PLPP1: variants seen among roughly 807,000 people sequenced by gnomAD.
PLPP1 encodes the protein lipid phosphate phosphohydrolase 1a.
A neutral mutation model predicts 31.2 loss-of-function variants in PLPP1; 24 were observed. The observed-to-expected ratio is 0.77, with a 90% confidence interval of 0.56 to 1.08. The LOEUF (loss-of-function observed/expected upper bound fraction) is 1.08, where lower values mean the gene tolerates loss of function less well. Among genes scored for constraint, PLPP1 ranks in the 50% least tolerant of loss-of-function variants. The probability of loss-of-function intolerance (pLI) is 0.00; values close to 1 mark genes in which losing one functional copy is unlikely to be tolerated. For missense variants in PLPP1, 319 were observed against 342.7 expected, an observed-to-expected ratio of 0.93 and a Z score of 0.55; for synonymous variants, 146 against 126.3, an observed-to-expected ratio of 1.16 and a Z score of -1.05.
At chr5:55,427,775 T>TG (rs35821302) in intron 4 of PLPP1, among the ~76,000 whole-genome samples, 9,776 of 99,548 alleles carry the variant, frequency 0.098, 351 homozygotes, top group Middle Eastern at 0.16. Flanking sequence ...AACACTTTTT[T>TG]GGGGGGGGGG....
chr5:55,512,806 G>GA (rs1561253400), intron 1 of PLPP1, among the ~76,000 whole-genome samples: 1 of 151,982 alleles, frequency 6.6e-6, no homozygotes, highest in Non-Finnish European at 1.5e-5. Flanking sequence ...TTTTAACTTG[G>GA]AAAATCTATA....
intron 4 of PLPP1, among the ~76,000 whole-genome samples, chr5:55,427,450 A>G (rs952362297): frequency 6.6e-6 from 1 of 152,220 alleles, no homozygotes; most frequent in African/African-American, 2.4e-5. Context: ...TTTCTGCAGA[A>G]TCCTTATTTT....
chr5:55,449,874 A>G (rs1204372013), intron 3 of PLPP1, among the ~76,000 whole-genome samples: 1 of 152,154 alleles, frequency 6.6e-6, no homozygotes, highest in Admixed American at 6.6e-5. Flanking sequence ...ACTATAAGAA[A>G]CACAGGGTAC....
intron 1 of PLPP1, chr5:55,490,972 C>T: frequency 6.2e-7 from 1 of 1,610,132 alleles, no homozygotes; most frequent in Non-Finnish European, 8.5e-7. Context: ...AGGAAATGGG[C>T]AAGCCAACCC....
intron 3 of PLPP1, among the ~76,000 whole-genome samples, chr5:55,443,229 AC>A (rs1751676872): frequency 1.4e-5 from 2 of 141,072 alleles, no homozygotes; most frequent in South Asian, 4.6e-4. Context: ...ACACACACAC[AC>A]ACACATATAT....
chr5:55,471,722 A>C (rs191088612), intron 2 of PLPP1, among the ~76,000 whole-genome samples: 11 of 152,336 alleles, frequency 7.2e-5, no homozygotes, highest in African/African-American at 2.4e-4. Context: ...GATTTTTTTA[A>C]ATAAATGATT....
In PLPP1 at chr5:55,441,846, C is replaced by CT; in HGVS notation, c.549+4dup. On this transcript the variant is annotated splice_donor_region_variant and intron_variant, in intron 4 of 5. Coordinates refer to ENST00000307259, the MANE Select transcript of PLPP1 (RefSeq NM_003711.4). ...CCTAACCGTCAACAGACACAAAGTA[C>CT]TTACTGCCACAAACAGCATGCAGTA... is the stretch of plus-strand genomic sequence containing the variant. 1 of 1,612,396 alleles carries CT rather than the reference C, an allele frequency of 6.2e-7. No individual in the cohort carries two copies. Among genetic ancestry groups the CT allele is most frequent in the Non-Finnish European group, 8.5e-7 (1 of 1,178,424 alleles).
chr5:55,453,164 G>A (rs1027640020), intron 3 of PLPP1, among the ~76,000 whole-genome samples: 2 of 151,984 alleles, frequency 1.3e-5, no homozygotes, highest in Admixed American at 6.6e-5. Flanking sequence ...CACATGCATC[G>A]AGTATCAGTT....
intron 1 of PLPP1, among the ~76,000 whole-genome samples, chr5:55,475,652 G>T (rs1561237911): frequency 6.6e-6 from 1 of 152,170 alleles, no homozygotes; most frequent in Non-Finnish European, 1.5e-5. Flanking sequence ...TTTGTCTACA[G>T]CAAACAAAGT....
intron 2 of PLPP1, among the ~76,000 whole-genome samples, chr5:55,471,910 G>A (rs1389136741): frequency 6.6e-6 from 1 of 151,834 alleles, no homozygotes; most frequent in Non-Finnish European, 1.5e-5. Flanking sequence ...CTTGAGCCCA[G>A]GAGTTTGAGA....
chr5:55,476,085 C>T (rs1324634037), intron 1 of PLPP1, among the ~76,000 whole-genome samples: 1 of 150,916 alleles, frequency 6.6e-6, no homozygotes, highest in African/African-American at 2.4e-5. Flanking sequence ...CTCAAGCTAT[C>T]CTCCCGCTTC....
intron 1 of PLPP1, among the ~76,000 whole-genome samples, chr5:55,534,233 C>T (rs1740791480): frequency 6.6e-6 from 1 of 152,198 alleles, no homozygotes; most frequent in African/African-American, 2.4e-5. Flanking sequence ...GGGCCAGTGA[C>T]CAGGCTCCTC....
intron 1 of PLPP1, among the ~76,000 whole-genome samples, chr5:55,500,269 C>T (rs931693435): frequency 5.9e-5 from 9 of 151,728 alleles, no homozygotes; most frequent in Admixed American, 4.6e-4. Context: ...TTAGTAGAGA[C>T]GGGGTTTCAC....
At chr5:55,449,868 T>A (rs1017483027) in intron 3 of PLPP1, among the ~76,000 whole-genome samples, 15 of 151,992 alleles carry the variant, frequency 9.9e-5, no homozygotes, top group Admixed American at 6.6e-5. Context: ...TCTAGAACTA[T>A]AAGAAACACA....
intron 1 of PLPP1, chr5:55,530,595 A>C: frequency 7.3e-7 from 1 of 1,368,618 alleles, no homozygotes; most frequent in Non-Finnish European, 1.0e-6. Flanking sequence ...TTTGCAATGA[A>C]GTCTCATGCG....
Position 55,430,661 on chromosome 5 carries a change from T to C in PLPP1, c.550-4622A>G, listed in dbSNP as rs182696576. Among the ~76,000 whole-genome samples the C allele has an allele frequency of 5.0e-3, 756 of 152,138 alleles. 4 individuals are homozygous for C. Among genetic ancestry groups the C allele is most frequent in the Non-Finnish European group, 6.0e-3 (408 of 68,014 alleles). ...TAAACCAGATGTACAGATACCGAAA[T>C]ACGGATTCAAGAAACATGAAGAAGG... is the stretch of plus-strand genomic sequence containing the variant. On this transcript the variant is annotated intron_variant, in intron 4 of 5. Coordinates refer to ENST00000307259, the MANE Select transcript of PLPP1 (RefSeq NM_003711.4).
At chr5:55,526,539 C>T (rs1344879016) in intron 1 of PLPP1, among the ~76,000 whole-genome samples, 1 of 152,010 alleles carries the variant, frequency 6.6e-6, no homozygotes, top group Non-Finnish European at 1.5e-5. Context: ...AGATTCCTTC[C>T]CTCTCTCTGT....
intron 1 of PLPP1, among the ~76,000 whole-genome samples, chr5:55,476,580 G>T (rs554427694): frequency 8.5e-5 from 13 of 152,244 alleles, no homozygotes; most frequent in African/African-American, 2.9e-4. Context: ...CTCCACATGA[G>T]ATCTGCTTTA....
At chr5:55,442,464 C>T (rs373518116) in intron 3 of PLPP1, among the ~76,000 whole-genome samples, 2,937 of 152,104 alleles carry the variant, frequency 0.019, 40 homozygotes, top group Non-Finnish European at 0.032. Flanking sequence ...CCATCCTGGC[C>T]AACATGGTGA....
Sources: allele counts gnomAD v4.1 joint callset (sites outside exome capture counted in the v4.1 genomes callset), GRCh38; gene constraint gnomAD v4.1.1; transcripts MANE v1.5; gene names NCBI Gene and HGNC (gene_info 2026-07-23, HGNC 2026-07-21).